The following SOX5 variants were observed in gnomAD, a reference collection of about 807,000 sequenced individuals.
SOX5 encodes transcription factor SOX-5.
A neutral mutation model predicts 92.0 loss-of-function variants in SOX5; 9 were observed. The observed-to-expected ratio is 0.10, with a 90% CI of 0.06 to 0.17. SOX5 has a LOEUF of 0.17. Ranked by LOEUF, SOX5 falls within the 10% of genes least tolerant of loss-of-function variation. SOX5 has a pLI of 1.00. For synonymous variants in SOX5, 344 were observed against 336.3 expected (o/e 1.02, Z -0.25); for missense variants, 642 against 944.5 (o/e 0.68, Z 4.20).
intron 3 of SOX5, among the ~76,000 whole-genome samples, chr12:23,835,567 T>C (rs530738720): frequency 2.6e-5 from 4 of 151,974 alleles, no homozygotes; most frequent in African/African-American, 7.2e-5. Flanking sequence ...AAAAACTGAG[T>C]TAATCTCCCA....
chr12:24,303,463 T>C (rs1294531313), intron 2 of SOX5, among the ~76,000 whole-genome samples: 3 of 152,196 alleles, frequency 2.0e-5, no homozygotes, highest in Non-Finnish European at 2.9e-5. Flanking sequence ...TCACTGGCAA[T>C]AGGTGCTCTA....
intron 3 of SOX5, among the ~76,000 whole-genome samples, chr12:24,218,926 G>A (rs1424714229): frequency 1.3e-5 from 2 of 152,012 alleles, no homozygotes; most frequent in African/African-American, 4.8e-5. Flanking sequence ...CAATCCAAGT[G>A]TCACTGTCTC....
intron 1 of SOX5, among the ~76,000 whole-genome samples, chr12:23,933,422 G>T (rs1307587411): frequency 6.6e-6 from 1 of 151,642 alleles, no homozygotes; most frequent in Non-Finnish European, 1.5e-5. Context: ...TATTCACATT[G>T]TAAGTGCTCA....
chr12:23,834,238 G>C (rs2096377089), intron 3 of SOX5, among the ~76,000 whole-genome samples: 1 of 151,874 alleles, frequency 6.6e-6, no homozygotes, highest in Non-Finnish European at 1.5e-5. Flanking sequence ...AAAACAAAGA[G>C]TGTTGAGAGA....
At chr12:24,526,840 C>T (rs936937938) in intron 1 of SOX5, among the ~76,000 whole-genome samples, 5 of 151,426 alleles carry the variant, frequency 3.3e-5, no homozygotes, top group Non-Finnish European at 7.4e-5. Flanking sequence ...TTTCTTAAGA[C>T]AGGGTCTCAC....
chr12:23,633,953 G>A (rs1021075249), intron 8 of SOX5, among the ~76,000 whole-genome samples: 5 of 152,116 alleles, frequency 3.3e-5, no homozygotes, highest in African/African-American at 1.2e-4. Context: ...GTTATGGTAA[G>A]ATAAAGGGAA....
At chr12:23,822,713 G>C (rs981867089) in intron 3 of SOX5, among the ~76,000 whole-genome samples, 1 of 152,034 alleles carries the variant, frequency 6.6e-6, no homozygotes, top group Admixed American at 6.6e-5. Context: ...TTGACAGTGG[G>C]GTGCTAAAGT....
At chr12:23,730,221 A>G (rs1385425801) in intron 6 of SOX5, among the ~76,000 whole-genome samples, 1 of 152,194 alleles carries the variant, frequency 6.6e-6, no homozygotes, top group African/African-American at 2.4e-5. Flanking sequence ...AAGAGGGAAA[A>G]AAAAGAGCTT....
upstream of SOX5, among the ~76,000 whole-genome samples, chr12:23,954,164 AC>A (rs1945998250): frequency 6.6e-6 from 1 of 152,016 alleles, no homozygotes; most frequent in Non-Finnish European, 1.5e-5. Context: ...CTATTTTAAT[AC>A]CTGAAATAAA....
Position 24,235,512 on chromosome 12 carries a change from C to T in SOX5, c.-76-22095G>A, listed in dbSNP as rs1594638213. Among the ~76,000 whole-genome samples, 3 of 152,272 alleles carry T rather than the reference C, an allele frequency of 2.0e-5. No homozygotes were observed. The Middle Eastern group carries it at 0.01, about 518-fold the overall frequency. ...AAACCCTACATTAATTTGTACTCTA[C>T]TAATATGACTAATAACATCTTGAAA... is the stretch of plus-strand genomic sequence containing the variant. On this transcript the variant is annotated intron_variant, in intron 3 of 4. Transcript: ENST00000446891.
chr12:24,304,459 C>G (rs554247446), intron 2 of SOX5, among the ~76,000 whole-genome samples: 1 of 152,070 alleles, frequency 6.6e-6, no homozygotes, highest in East Asian at 1.9e-4. Context: ...GAAATCAAAG[C>G]CTGACAGCCA....
intron 4 of SOX5, among the ~76,000 whole-genome samples, chr12:24,189,098 G>A (rs1334809664): frequency 6.6e-6 from 1 of 152,068 alleles, no homozygotes; most frequent in Admixed American, 6.6e-5. Flanking sequence ...TTTCCCATGT[G>A]TGTCTGTCTG....
chr12:23,857,392 C>T (rs2136302754), intron 2 of SOX5, among the ~76,000 whole-genome samples: 1 of 152,240 alleles, frequency 6.6e-6, no homozygotes, highest in Admixed American at 6.5e-5. Context: ...TACCATGACA[C>T]ATATGTGACA....
intron 2 of SOX5, among the ~76,000 whole-genome samples, chr12:23,879,955 A>G (rs1370386810): frequency 6.6e-6 from 1 of 152,162 alleles, no homozygotes; most frequent in African/African-American, 2.4e-5. Context: ...AAAGTCTCCA[A>G]GGCAAGCTAG....
chr12:23,947,025 C>G (rs184491631), intron 1 of SOX5, among the ~76,000 whole-genome samples: 23 of 151,882 alleles, frequency 1.5e-4, no homozygotes, highest in Admixed American at 6.6e-4. Flanking sequence ...AAATCTAAAT[C>G]CAAATTTTGA....
intron 4 of SOX5, among the ~76,000 whole-genome samples, chr12:24,166,880 T>A (rs555966426): frequency 6.6e-6 from 1 of 152,270 alleles, no homozygotes; most frequent in African/African-American, 2.4e-5. Context: ...ATAAGCAAAG[T>A]GTTCTATGAG....
chr12:23,705,910 C>T (rs555633009), intron 6 of SOX5, among the ~76,000 whole-genome samples: 5 of 152,112 alleles, frequency 3.3e-5, no homozygotes, highest in Non-Finnish European at 7.4e-5. Context: ...TTCTCTTGCT[C>T]AGTTGCACAC....
chr12:23,605,218 T>C (rs2075094813), intron 8 of SOX5, among the ~76,000 whole-genome samples: 1 of 152,094 alleles, frequency 6.6e-6, no homozygotes. Context: ...AGCCATTACT[T>C]ATTCTTATTA....
intron 4 of SOX5, among the ~76,000 whole-genome samples, chr12:24,177,501 C>T (rs1443942871): frequency 1.3e-5 from 2 of 152,088 alleles, no homozygotes; most frequent in Admixed American, 1.3e-4. Context: ...AAATAGATCT[C>T]AAGGTTTCTA....
Sources: gnomAD v4.1 joint callset for allele counts (sites outside exome capture counted in the v4.1 genomes callset) on GRCh38, gnomAD v4.1.1 for gene constraint, MANE v1.5 for transcripts, NCBI Gene and HGNC (gene_info 2026-07-23, HGNC 2026-07-21) for gene names.